IPO7: variants seen among roughly 807,000 people sequenced by gnomAD.
The protein encoded by IPO7 is importin-7.
IPO7 carries 13 observed loss-of-function variants against 136.4 expected under a neutral mutation model. The ratio of observed to expected loss-of-function variants is 0.10; its 90% CI spans 0.06 to 0.15. The LOEUF (loss-of-function observed/expected upper bound fraction) is 0.15. IPO7 is among the 10% of genes least tolerant of loss of function. The pLI, the probability that IPO7 is intolerant of heterozygous loss-of-function variation, is 1.00. For missense variants in IPO7, 857 were observed against 1,240.6 expected (o/e 0.69, Z 4.65); for synonymous variants, 403 against 404.4 (o/e 1.00, Z 0.04).
chr11:9,392,952 A>AC (rs947266100), intron 1 of IPO7, among the ~76,000 whole-genome samples: 3 of 151,910 alleles, frequency 2.0e-5, no homozygotes, highest in African/African-American at 4.8e-5. Flanking sequence ...GTCTCAAAAA[A>AC]AAAAAAAAAA....
intron 4 of IPO7, among the ~76,000 whole-genome samples, chr11:9,412,830 C>CAAAAAAA (rs71062848): frequency 6.8e-6 from 1 of 146,852 alleles, no homozygotes; most frequent in Non-Finnish European, 1.5e-5. Context: ...GCACTTTCTC[C>CAAAAAAA]AAAAAAAAAA....
At chr11:9,394,224 A>G (rs1187253224) in intron 1 of IPO7, among the ~76,000 whole-genome samples, 1 of 152,204 alleles carries the variant, frequency 6.6e-6, no homozygotes, top group East Asian at 1.9e-4. Context: ...TCAGAGGGGA[A>G]AGCAATTTCT....
intron 24 of IPO7, among the ~76,000 whole-genome samples, chr11:9,443,984 T>TAAA (rs1855493635): frequency 6.6e-6 from 1 of 151,144 alleles, no homozygotes; most frequent in East Asian, 2.0e-4. Context: ...TTTTTAAAAG[T>TAAA]ACATTTTAAG....
At chr11:9,436,855 TATATATATATATA>T (rs1297574007) in intron 20 of IPO7, among the ~76,000 whole-genome samples, 6 of 16,708 alleles carry the variant, frequency 3.6e-4, no homozygotes, top group Non-Finnish European at 7.1e-4. Context: ...TATATATATA[TATATATATATATA>T]TTTTTTTTTT....
intron 1 of IPO7, among the ~76,000 whole-genome samples, chr11:9,396,026 A>C (rs959024896): frequency 6.6e-6 from 1 of 151,932 alleles, no homozygotes; most frequent in Non-Finnish European, 1.5e-5. Context: ...CCTTGCTGAA[A>C]GTTATGCTTT....
chr11:9,418,173 C>T (rs1337179293), intron 6 of IPO7, among the ~76,000 whole-genome samples: 1 of 151,724 alleles, frequency 6.6e-6, no homozygotes, highest in Non-Finnish European at 1.5e-5. Flanking sequence ...CAGGTTCAAG[C>T]AATTCCCTGC....
chr11:9,407,734 C>A (rs757631752), intron 2 of IPO7, among the ~76,000 whole-genome samples: 3 of 152,116 alleles, frequency 2.0e-5, no homozygotes, highest in Non-Finnish European at 2.9e-5. Flanking sequence ...TAGAGAAGAT[C>A]GAGTGTTTTG....
chr11:9,403,383 A>G lies in IPO7; in HGVS notation c.166+12A>G, dbSNP rs1564993757. On this transcript the variant is annotated intron_variant, in intron 2 of 24. Transcript: ENST00000379719. ...TGTGAGACAGGCAGGCAAGTTTCCT[A>G]AATTATATTGAGTGTATGTAATCTA... The G allele has an allele frequency of 1.3e-6, 2 of 1,562,926 alleles. No individual in the cohort carries two copies. The highest frequency in any genetic ancestry group is 1.1e-5 in the South Asian group (1 of 89,682).
At chr11:9,386,244 A>C (rs1454151219) in intron 1 of IPO7, among the ~76,000 whole-genome samples, 2 of 152,224 alleles carry the variant, frequency 1.3e-5, no homozygotes, top group African/African-American at 4.8e-5. Context: ...TCATTATTAT[A>C]CCACACAAAG....
Position 9,404,552 on chromosome 11 carries a change from C to G in IPO7, c.166+1181C>G, listed in dbSNP as rs1051088425. ...GCATTTCCCTTTTCTTTACATAGTT[C>G]CGGTCTTCGGATTTTTTTTTTTTTT... On this transcript the variant is annotated intron_variant, in intron 2 of 24. Coordinates refer to ENST00000379719, the MANE Select transcript of IPO7 (RefSeq NM_006391.3). Among the ~76,000 whole-genome samples, 5 of 149,930 alleles carry G rather than the reference C, an allele frequency of 3.3e-5. No homozygotes were observed. In the East Asian group the frequency reaches 9.7e-4, roughly 29 times the overall value.
chr11:9,428,724 G>T (rs759869066), intron 13 of IPO7, 95 bp downstream of exon 13: 1 of 818,130 alleles, frequency 1.2e-6, no homozygotes, highest in Non-Finnish European at 2.2e-6. Context: ...TCACTTTGAA[G>T]CCTGTGTCTT....
intron 23 of IPO7, 107 bp downstream of exon 23, chr11:9,440,768 A>G: frequency 2.2e-6 from 2 of 897,914 alleles, no homozygotes; most frequent in South Asian, 3.0e-5. Context: ...CAGACTAGAA[A>G]AGGCTGGTTA....
intron 2 of IPO7, among the ~76,000 whole-genome samples, chr11:9,406,395 C>T: frequency 6.6e-6 from 1 of 151,816 alleles, no homozygotes; most frequent in East Asian, 1.9e-4. Context: ...GCCTTTAAAT[C>T]CAAATTTTTA....
At chr11:9,436,833 C>A (rs1364656442) in intron 20 of IPO7, among the ~76,000 whole-genome samples, 1 of 92,304 alleles carries the variant, frequency 1.1e-5, no homozygotes, top group South Asian at 4.0e-4. Flanking sequence ...CCACCACAAC[C>A]GCCTGATTTT....
chr11:9,414,498 A>G (rs1855012272), intron 5 of IPO7, 87 bp downstream of exon 5: 2 of 856,442 alleles, frequency 2.3e-6, no homozygotes, highest in Non-Finnish European at 3.5e-6. Context: ...CAGCATTTGA[A>G]TAATAGTTAA....
In IPO7 at chr11:9,440,677, A is replaced by C; in HGVS notation, c.2902+16A>C. 1 of 1,540,168 alleles carries C rather than the reference A, an allele frequency of 6.5e-7. No individual in the cohort carries two copies. The highest frequency in any genetic ancestry group is 9.0e-7 in the Non-Finnish European group (1 of 1,113,582). On this transcript the variant is annotated intron_variant, in intron 23 of 24. Transcript: ENST00000379719. ...ATCTTTCAAAGTAAGTCAACTTGTT[A>C]CATGTGGATCCATTTCATTGAACAA... is the stretch of plus-strand genomic sequence containing the variant.
chr11:9,391,188 G>A (rs183332541), intron 1 of IPO7, among the ~76,000 whole-genome samples: 21 of 149,626 alleles, frequency 1.4e-4, no homozygotes, highest in Admixed American at 1.3e-3. Flanking sequence ...TCACAAGGTC[G>A]GGAGTTCGAG....
intron 6 of IPO7, 100 bp from the exon 7 acceptor site, chr11:9,420,311 G>T: frequency 2.8e-6 from 2 of 725,110 alleles, no homozygotes; most frequent in Non-Finnish European, 2.3e-6. Flanking sequence ...AAAAAGGCCA[G>T]CATTAGTGAA....
At chr11:9,417,649 G>A (rs1855059706) in intron 6 of IPO7, among the ~76,000 whole-genome samples, 1 of 150,426 alleles carries the variant, frequency 6.6e-6, no homozygotes, top group Admixed American at 6.6e-5. Context: ...GTCCAATTGT[G>A]TTATTTGTAT....
Sources: allele counts gnomAD v4.1 joint callset (sites outside exome capture counted in the v4.1 genomes callset), GRCh38; gene constraint gnomAD v4.1.1; transcripts MANE v1.5; gene names NCBI Gene and HGNC (gene_info 2026-07-23, HGNC 2026-07-21).